The following SLC39A9 variants were observed in gnomAD, a reference collection of about 807,000 sequenced individuals.
The protein encoded by SLC39A9 is solute carrier family 39 member 9, also known as zinc transporter ZIP9.
A neutral mutation model predicts 28.4 loss-of-function variants in SLC39A9; 14 were observed. The ratio of observed to expected loss-of-function variants is 0.49; its 90% CI spans 0.33 to 0.77. SLC39A9 has a LOEUF of 0.77. Among genes scored for constraint, SLC39A9 ranks in the 30% least tolerant of loss-of-function variants. The pLI is 0.02. For synonymous variants in SLC39A9, 119 were observed against 149.6 expected (o/e 0.80, Z 1.49); for missense variants, 283 against 381.1 (o/e 0.74, Z 2.14).
In SLC39A9 at chr14:69,399,005, C is replaced by T. The variant is rs1281157882; in HGVS notation, c.-365C>T. 1 of 202,182 alleles carries T rather than the reference C, an allele frequency of 4.9e-6. No individual in the cohort carries two copies. Among genetic ancestry groups the T allele is most frequent in the Non-Finnish European group, 1.0e-5 (1 of 99,770 alleles). 12.5% of individuals were successfully genotyped at this position (202,182 alleles called of 1,614,324 possible). On this transcript the variant is annotated 5_prime_UTR_variant, in exon 1 of 7. Coordinates refer to ENST00000336643, the MANE Select transcript of SLC39A9 (RefSeq NM_018375.5). ...TTCGCTTGAGTCACTTACCCGCCGC[C>T]GCCTAAGACATTGTGCCACCCTCAA... is the stretch of plus-strand genomic sequence containing the variant.
In SLC39A9 at chr14:69,419,238, C is replaced by T. The variant is rs1230420649; in HGVS notation, c.97-4856C>T. On this transcript the variant is annotated intron_variant, in intron 1 of 6. Coordinates refer to ENST00000336643, the MANE Select transcript of SLC39A9 (RefSeq NM_018375.5). ...TTGGTTTCAAAGAACATCTTTATTT[C>T]TGCCTTCATTTCGTTGTTTACCCAG... Among the ~76,000 whole-genome samples the T allele has an allele frequency of 2.6e-5, 4 of 152,184 alleles. No individual in the cohort carries two copies. The East Asian group carries it at 7.7e-4, about 29-fold the overall frequency.
At position 69,424,237 on chromosome 14, in the gene SLC39A9, A is replaced by G. The variant is rs200965701; in HGVS notation, c.205+35A>G. ...GGAAGAGCATTATTTGAGATATGTT[A>G]TTGACTTGGAGGGTTAGCAGGATGA... On this transcript the variant is annotated intron_variant, in intron 2 of 6. Transcript: ENST00000336643. The G allele has an allele frequency of 1.3e-4, 192 of 1,495,772 alleles. 1 individual carries two copies. The highest frequency in any genetic ancestry group is 6.9e-4 in the Middle Eastern group (4 of 5,824). The allele number at this position is 1,495,772 out of a possible 1,614,324, so 92.7% of individuals were successfully genotyped here. A position where few individuals can be genotyped will look rare whatever the true frequency, so the allele number is the denominator to read the frequency against.
Position 69,424,205 on chromosome 14 carries a change from G to T in SLC39A9, c.205+3G>T. On this transcript the variant is annotated splice_donor_region_variant and intron_variant, in intron 2 of 6. Coordinates refer to ENST00000336643, the MANE Select transcript of SLC39A9 (RefSeq NM_018375.5). Reference sequence around the variant, plus strand: ...CCTTTATGAAGATATTCTTGAGGGTGAGAAAGGGAAGAGCATTATTTGAGA... The same window carrying T: ...CCTTTATGAAGATATTCTTGAGGGTTAGAAAGGGAAGAGCATTATTTGAGA... The T allele has an allele frequency of 6.3e-7, 1 of 1,599,696 alleles. No homozygotes were observed. The highest frequency in any genetic ancestry group is 1.1e-5 in the South Asian group (1 of 90,746).
chr14:69,426,939 C>T lies in SLC39A9; in HGVS notation c.205+2737C>T, dbSNP rs966243625. On this transcript the variant is annotated intron_variant, in intron 2 of 6. Transcript: ENST00000336643. ...ATATGTACACACATACACACACACA[C>T]ATACATAAAATAACACCACAGGTTG... 3.3e-5 allele frequency among the ~76,000 whole-genome samples: 5 copies of T among 151,836 alleles called. No individual in the cohort carries two copies. The South Asian group carries it at 8.3e-4, about 25-fold the overall frequency.
rs900396145 is a variant in SLC39A9, at chr14:69,435,796, A to G, written c.206-6273A>G. Among the ~76,000 whole-genome samples the G allele has an allele frequency of 7.9e-5, 12 of 151,764 alleles. No homozygotes were observed. The East Asian group carries it at 2.3e-3, about 30-fold the overall frequency. On this transcript the variant is annotated intron_variant, in intron 2 of 6. Transcript: ENST00000336643. ...CAAGCGATTCTCCTGCTTCAGCCTCACAAGTAGCTGAGATTACAGGGGTGT... is the reference window on the plus strand; with the variant it reads ...CAAGCGATTCTCCTGCTTCAGCCTCGCAAGTAGCTGAGATTACAGGGGTGT...
chr14:69,447,138 T>G (rs1885365987), intron 3 of SLC39A9, among the ~76,000 whole-genome samples: 1 of 152,120 alleles, frequency 6.6e-6, no homozygotes, highest in Admixed American at 6.6e-5. Flanking sequence ...ATTTCCTTAT[T>G]GGCTTCAAGG....
chr14:69,428,298 G>A (rs1295267058), intron 2 of SLC39A9, among the ~76,000 whole-genome samples: 2 of 151,578 alleles, frequency 1.3e-5, no homozygotes, highest in Admixed American at 6.6e-5. Context: ...AAAAGTTTAT[G>A]GGGACAGTGC....
intron 3 of SLC39A9, among the ~76,000 whole-genome samples, chr14:69,450,982 T>G (rs939677919): frequency 6.6e-6 from 1 of 152,218 alleles, no homozygotes; most frequent in Non-Finnish European, 1.5e-5. Flanking sequence ...TTTATTAAAT[T>G]TATGCTAAAC....
At chr14:69,421,769 T>C (rs1469652910) in intron 1 of SLC39A9, among the ~76,000 whole-genome samples, 2 of 152,178 alleles carry the variant, frequency 1.3e-5, no homozygotes, top group Non-Finnish European at 2.9e-5. Context: ...ACTGCTGCGC[T>C]AGCAGTGAAT....
Position 69,417,553 on chromosome 14 carries a change from T to C in SLC39A9, c.97-6541T>C, listed in dbSNP as rs575275212. Reference sequence around the variant, plus strand: ...ATGGGGATGGCAGTGAATCTGTAAATTACCTTGGGCAGTATGGCCATTTTC... The same window carrying C: ...ATGGGGATGGCAGTGAATCTGTAAACTACCTTGGGCAGTATGGCCATTTTC... On this transcript the variant is annotated intron_variant, in intron 1 of 6. Transcript: ENST00000336643. Among the ~76,000 whole-genome samples, 13 of 152,358 alleles carry C rather than the reference T, an allele frequency of 8.5e-5. No homozygotes were observed. In the South Asian group the frequency reaches 2.7e-3, roughly 32 times the overall value.
At chr14:69,413,748 A>G (rs913629130) in intron 1 of SLC39A9, among the ~76,000 whole-genome samples, 1 of 151,980 alleles carries the variant, frequency 6.6e-6, no homozygotes, top group African/African-American at 2.4e-5. Flanking sequence ...AATGGATTGT[A>G]TGTATTATGC....
chr14:69,422,989 G>A (rs185740371), intron 1 of SLC39A9, among the ~76,000 whole-genome samples: 1 of 152,312 alleles, frequency 6.6e-6, no homozygotes, highest in African/African-American at 2.4e-5. Flanking sequence ...TTAGGATTAA[G>A]TTGGATTAAA....
At chr14:69,437,204 G>A (rs1594934590) in intron 2 of SLC39A9, among the ~76,000 whole-genome samples, 1 of 152,098 alleles carries the variant, frequency 6.6e-6, no homozygotes, top group East Asian at 1.9e-4. Context: ...CCAGAAAGAT[G>A]GGGTTTTAAC....
upstream of SLC39A9, chr14:69,398,493 C>G: frequency 1.7e-6 from 1 of 584,710 alleles, no homozygotes; most frequent in Non-Finnish European, 3.1e-6. Context: ...TATTTTTTTT[C>G]AAGACGCTGT....
chr14:69,409,236 A>G (rs1883113093), intron 1 of SLC39A9, among the ~76,000 whole-genome samples: 1 of 152,220 alleles, frequency 6.6e-6, no homozygotes, highest in Admixed American at 6.5e-5. Context: ...TTTTTAACAT[A>G]GTTAATTATG....
At chr14:69,441,932 G>A in intron 2 of SLC39A9, 137 bp from the exon 3 acceptor site, 1 of 1,421,828 alleles carries the variant, frequency 7.0e-7, no homozygotes, top group Non-Finnish European at 9.1e-7. Flanking sequence ...GTTAATGATT[G>A]GCTGGATTAC....
chr14:69,438,439 A>C (rs938869604), intron 2 of SLC39A9, among the ~76,000 whole-genome samples: 1 of 152,178 alleles, frequency 6.6e-6, no homozygotes, highest in African/African-American at 2.4e-5. Flanking sequence ...ATTATAATAC[A>C]TTGTTTTCAG....
chr14:69,415,372 G>A (rs896864666), intron 1 of SLC39A9, among the ~76,000 whole-genome samples: 2 of 152,176 alleles, frequency 1.3e-5, no homozygotes, highest in Non-Finnish European at 2.9e-5. Context: ...TTTTTCTGAT[G>A]ACTAAATGAT....
At chr14:69,447,483 A>G (rs1284727972) in intron 3 of SLC39A9, among the ~76,000 whole-genome samples, 1 of 152,206 alleles carries the variant, frequency 6.6e-6, no homozygotes, top group African/African-American at 2.4e-5. Context: ...TTCAGTGGTT[A>G]CAGCACTGAA....
Sources: gnomAD v4.1 joint callset for allele counts (sites outside exome capture counted in the v4.1 genomes callset) on GRCh38, gnomAD v4.1.1 for gene constraint, MANE v1.5 for transcripts, NCBI Gene and HGNC (gene_info 2026-07-23, HGNC 2026-07-21) for gene names.